SGPL1: variants seen among roughly 807,000 people sequenced by gnomAD.
SGPL1 encodes the protein SP-lyase 1.
Under a neutral mutation model 68.9 loss-of-function variants are expected in SGPL1, and 37 were observed. The observed-to-expected ratio is 0.54, with a 90% CI of 0.41 to 0.71. The LOEUF (loss-of-function observed/expected upper bound fraction) is 0.71, where lower values mean the gene tolerates loss of function less well. SGPL1 is among the 30% of genes least tolerant of loss of function. The pLI, the probability that SGPL1 is intolerant of heterozygous loss-of-function variation, is 0.00. For missense variants in SGPL1, 551 were observed against 704.6 expected, an observed-to-expected ratio of 0.78 and a Z score of 2.47; for synonymous variants, 236 against 248.5, an observed-to-expected ratio of 0.95 and a Z score of 0.47.
At chr10:70,852,056 C>G (rs1439415603) in intron 4 of SGPL1, among the ~76,000 whole-genome samples, 1 of 152,198 alleles carries the variant, frequency 6.6e-6, no homozygotes, top group Non-Finnish European at 1.5e-5. Context: ...ACAGGGCAGG[C>G]CACTTGGCAA....
chr10:70,880,951 TTCAC>T lies in SGPL1; in HGVS notation c.*3620_*3623del, dbSNP rs1846485212. 6.6e-6 allele frequency: 1 copy of T among 152,142 alleles called. No individual in the cohort carries two copies. The highest frequency in any genetic ancestry group is 1.5e-5 in the Non-Finnish European group (1 of 68,038). The allele number at this position is 152,142 out of a possible 1,614,324, so 9.4% of individuals were successfully genotyped here. On this transcript the variant is annotated 3_prime_UTR_variant, in exon 15 of 15. Coordinates refer to ENST00000373202, the MANE Select transcript of SGPL1 (RefSeq NM_003901.4). Reference sequence around the variant, plus strand: ...AGGTTCTTGGCAGCAATGAGCAGCTTTCACTCAGTGACACAAGTAATTACTGAGT... The same window carrying T: ...AGGTTCTTGGCAGCAATGAGCAGCTTTCAGTGACACAAGTAATTACTGAGT...
chr10:70,834,516 A>T (rs1299197300), intron 2 of SGPL1, among the ~76,000 whole-genome samples: 3 of 152,224 alleles, frequency 2.0e-5, no homozygotes, highest in Non-Finnish European at 4.4e-5. Context: ...TTTCTGAAGT[A>T]CTTTTCAAAC....
intron 3 of SGPL1, among the ~76,000 whole-genome samples, chr10:70,849,012 A>G (rs1307886225): frequency 6.6e-6 from 1 of 152,160 alleles, no homozygotes; most frequent in Non-Finnish European, 1.5e-5. Flanking sequence ...TTTTTAGGTC[A>G]GGGCCATGGG....
At chr10:70,841,882 C>G (rs1481481572) in intron 2 of SGPL1, among the ~76,000 whole-genome samples, 1 of 152,112 alleles carries the variant, frequency 6.6e-6, no homozygotes, top group Non-Finnish European at 1.5e-5. Context: ...TCTAGTCTTA[C>G]CATAGTTAAT....
rs571419702 is a variant in SGPL1, at chr10:70,817,034, T to G, written c.27+154T>G. 1.6e-4 allele frequency among the ~76,000 whole-genome samples: 25 copies of G among 152,326 alleles called. 1 individual carries two copies. The East Asian group carries it at 4.4e-3, about 27-fold the overall frequency. ...ATTTTGTTTTGTTTTGTTTTGTTTT[T>G]TTGGAGACGGAGTCTCACTCTGTTG... On this transcript the variant is annotated intron_variant, in intron 2 of 14. Transcript: ENST00000373202.
intron 2 of SGPL1, among the ~76,000 whole-genome samples, chr10:70,829,441 G>C (rs1189451604): frequency 6.6e-6 from 1 of 152,144 alleles, no homozygotes; most frequent in Non-Finnish European, 1.5e-5. Flanking sequence ...TTATTGAAGA[G>C]AAAAGGAAAA....
At chr10:70,857,131 C>T (rs1398725762) in intron 5 of SGPL1, 3 of 168,058 alleles carry the variant, frequency 1.8e-5, no homozygotes, top group African/African-American at 7.2e-5. Flanking sequence ...CTGGTTTCAT[C>T]TCTGATGATA....
intron 2 of SGPL1, among the ~76,000 whole-genome samples, chr10:70,817,231 C>G (rs768351703): frequency 1.9e-4 from 29 of 152,142 alleles, no homozygotes; most frequent in Admixed American, 9.2e-4. Context: ...GTTGGCCAGG[C>G]TGGCCTTGAA....
intron 8 of SGPL1, among the ~76,000 whole-genome samples, chr10:70,869,023 A>T (rs1846243960): frequency 6.6e-6 from 1 of 152,184 alleles, no homozygotes; most frequent in Non-Finnish European, 1.5e-5. Flanking sequence ...TTTTACTGCA[A>T]GTATTACTTG....
At position 70,880,226 on chromosome 10, in the gene SGPL1, A is replaced by G. The variant is rs1056841502; in HGVS notation, c.*2891A>G. On this transcript the variant is annotated 3_prime_UTR_variant, in exon 15 of 15. Transcript: ENST00000373202. ...GAGATTGCCCCCTGGTGGTGAAACA[A>G]TCGTGTGTGCCCACTGATACCAAGA... The G allele has an allele frequency of 6.6e-6, 1 of 152,316 alleles. No homozygotes were observed. The highest frequency in any genetic ancestry group is 1.5e-5 in the Non-Finnish European group (1 of 68,024). The allele number at this position is 152,316 out of a possible 1,614,324, so 9.4% of individuals were successfully genotyped here. A position where few individuals can be genotyped will look rare whatever the true frequency, so the allele number is the denominator to read the frequency against.
At chr10:70,846,321 G>A (rs1845791654) in intron 3 of SGPL1, among the ~76,000 whole-genome samples, 1 of 151,862 alleles carries the variant, frequency 6.6e-6, no homozygotes, top group Non-Finnish European at 1.5e-5. Context: ...GTGAGTAAGG[G>A]GCCCATTTCA....
At chr10:70,819,356 CT>C (rs1564615331) in intron 2 of SGPL1, among the ~76,000 whole-genome samples, 1 of 152,172 alleles carries the variant, frequency 6.6e-6, no homozygotes, top group Non-Finnish European at 1.5e-5. Context: ...GCATGAAGTG[CT>C]TTCACTGGAA....
chr10:70,879,078 C>T lies in SGPL1; in HGVS notation c.*1743C>T, dbSNP rs1240366797. 1 of 153,002 alleles carries T rather than the reference C, an allele frequency of 6.5e-6. No homozygotes were observed. The highest frequency in any genetic ancestry group is 1.9e-4 in the East Asian group (1 of 5,196). The allele number at this position is 153,002 out of a possible 1,614,324, so 9.5% of individuals were successfully genotyped here. On this transcript the variant is annotated 3_prime_UTR_variant, in exon 15 of 15. Transcript: ENST00000373202. The stretch of plus-strand genomic sequence containing the variant: ...AGTGAGCAGTGAGCTACTCCTGGCC[C>T]AGGCCCTAGGGGAAATGGATCAGTC...
At chr10:70,838,677 C>T (rs1845667729) in intron 2 of SGPL1, among the ~76,000 whole-genome samples, 1 of 152,170 alleles carries the variant, frequency 6.6e-6, no homozygotes, top group Admixed American at 6.5e-5. Context: ...CACTCTGAAG[C>T]ACTGCTTTTG....
intron 2 of SGPL1, among the ~76,000 whole-genome samples, chr10:70,822,375 T>C (rs565605477): frequency 6.6e-6 from 1 of 152,322 alleles, no homozygotes; most frequent in East Asian, 1.9e-4. Context: ...CAAATCCCAG[T>C]ATTTGACTTA....
chr10:70,816,497 T>C (rs1454879696), intron 1 of SGPL1, among the ~76,000 whole-genome samples: 1 of 151,796 alleles, frequency 6.6e-6, no homozygotes, highest in Non-Finnish European at 1.5e-5. Flanking sequence ...TCAGCCCGGG[T>C]TAGGTGGCCT....
chr10:70,847,805 A>T lies in SGPL1; in HGVS notation c.193+3167A>T, dbSNP rs115392088. ...TTTTTTTAGCACTTGCTCACTTGCCATGTGTTGCTGAACAATCAAGTTATT... is the reference window on the plus strand; with the variant it reads ...TTTTTTTAGCACTTGCTCACTTGCCTTGTGTTGCTGAACAATCAAGTTATT... On this transcript the variant is annotated intron_variant, in intron 3 of 14. Coordinates refer to ENST00000373202, the MANE Select transcript of SGPL1 (RefSeq NM_003901.4). Among the ~76,000 whole-genome samples the T allele has an allele frequency of 1.3e-3, 203 of 152,320 alleles. 1 individual carries two copies. The highest frequency in any genetic ancestry group is 4.6e-3 in the African/African-American group (192 of 41,564).
chr10:70,854,244 G>T (rs1205533112), intron 4 of SGPL1, among the ~76,000 whole-genome samples: 1 of 149,170 alleles, frequency 6.7e-6, no homozygotes. Flanking sequence ...GTGTGATCTT[G>T]GCTCACTGCA....
At chr10:70,871,540 A>T (rs1846296502) in intron 10 of SGPL1, among the ~76,000 whole-genome samples, 1 of 152,204 alleles carries the variant, frequency 6.6e-6, no homozygotes, top group Non-Finnish European at 1.5e-5. Flanking sequence ...CCCTTGTGCG[A>T]GAGGCAGCCT....
Sources: allele counts gnomAD v4.1 joint callset (sites outside exome capture counted in the v4.1 genomes callset), GRCh38; gene constraint gnomAD v4.1.1; transcripts MANE v1.5; gene names NCBI Gene and HGNC (gene_info 2026-07-23, HGNC 2026-07-21).